Variants in MROH9 observed in about 807,000 individuals in gnomAD.
The protein encoded by MROH9 is maestro heat-like repeat-containing protein family member 9.
Under a neutral mutation model 98.2 loss-of-function variants are expected in MROH9, and 92 were observed. The observed-to-expected ratio is 0.94, with a 90% CI of 0.79 to 1.11. MROH9 has a LOEUF of 1.11. Among genes scored for constraint, MROH9 ranks in the 50% most tolerant of loss-of-function variants. The pLI is 0.00. For synonymous variants in MROH9, 397 were observed against 368.9 expected (o/e 1.08, Z -0.87); for missense variants, 1,057 against 1,014.8 (o/e 1.04, Z -0.57).
intron 9 of MROH9, among the ~76,000 whole-genome samples, chr1:170,985,574 T>C (rs1651100890): frequency 6.6e-6 from 1 of 152,232 alleles, no homozygotes; most frequent in South Asian, 2.1e-4. Context: ...AATTGCTTCT[T>C]CTACAACTTT....
intron 20 of MROH9, among the ~76,000 whole-genome samples, chr1:171,029,363 C>A (rs1312074881): frequency 1.3e-5 from 2 of 151,986 alleles, no homozygotes; most frequent in Non-Finnish European, 2.9e-5. Flanking sequence ...GCATGTGCCA[C>A]CATGCCCAGC....
chr1:170,997,204 TCA>T (rs1244494266), intron 14 of MROH9, among the ~76,000 whole-genome samples: 9 of 152,058 alleles, frequency 5.9e-5, no homozygotes, highest in Non-Finnish European at 1.0e-4. Flanking sequence ...TAAGACTACT[TCA>T]AGTTGTGACT....
chr1:170,998,307 T>C (rs1651660171), intron 15 of MROH9, 33 bp downstream of exon 15: 2 of 1,613,294 alleles, frequency 1.2e-6, no homozygotes, highest in East Asian at 2.2e-5. Flanking sequence ...AGCTGTGTTC[T>C]CATTTCCTTT....
intron 20 of MROH9, among the ~76,000 whole-genome samples, chr1:171,038,549 A>C (rs1360242594): frequency 6.6e-6 from 1 of 152,210 alleles, no homozygotes; most frequent in African/African-American, 2.4e-5. Context: ...ATGTGTGTAC[A>C]TAGATATTTA....
intron 20 of MROH9, among the ~76,000 whole-genome samples, chr1:171,027,300 T>A (rs895123534): frequency 2.0e-5 from 3 of 152,126 alleles, no homozygotes; most frequent in African/African-American, 7.2e-5. Flanking sequence ...TGAGAACATG[T>A]GGTATTTCAT....
intron 21 of MROH9, among the ~76,000 whole-genome samples, chr1:171,062,585 A>G (rs1654046405): frequency 6.6e-6 from 1 of 152,252 alleles, no homozygotes; most frequent in Non-Finnish European, 1.5e-5. Context: ...TTGCAAATAA[A>G]GCAGTCTCTT....
At chr1:171,041,148 T>C (rs1380391682) in intron 20 of MROH9, among the ~76,000 whole-genome samples, 1 of 151,776 alleles carries the variant, frequency 6.6e-6, no homozygotes, top group African/African-American at 2.4e-5. Context: ...CTCCCACGTT[T>C]TGGAGTCACC....
intron 15 of MROH9, among the ~76,000 whole-genome samples, chr1:171,009,546 C>T (rs946141483): frequency 6.6e-6 from 1 of 152,108 alleles, no homozygotes; most frequent in African/African-American, 2.4e-5. Flanking sequence ...GCAATAAAAA[C>T]ATGAAGCTGC....
intron 8 of MROH9, among the ~76,000 whole-genome samples, chr1:170,973,435 AG>A (rs1330385563): frequency 6.6e-6 from 1 of 152,192 alleles, no homozygotes; most frequent in African/African-American, 2.4e-5. Flanking sequence ...CTACTTAAAA[AG>A]GCCTTAAAAC....
At chr1:170,943,121 G>A (rs1649188050) in intron 1 of MROH9, among the ~76,000 whole-genome samples, 1 of 151,734 alleles carries the variant, frequency 6.6e-6, no homozygotes, top group Non-Finnish European at 1.5e-5. Flanking sequence ...CAAGAAAAAA[G>A]TAGAAAATTA....
In MROH9 at chr1:170,995,404, T is replaced by C; in HGVS notation, c.1210T>C (p.Cys404Arg). Reference sequence around the variant, plus strand: ...TCCCTTATAGGCATGCCAGGCCCTGTGCACCTTTCTGCCTCTTGGTTCCTA... The same window carrying C: ...TCCCTTATAGGCATGCCAGGCCCTGCGCACCTTTCTGCCTCTTGGTTCCTA... Reference protein sequence around the residue: ...LMPLAACQALCTFLPLGSYRK... With the variant: ...LMPLAACQALRTFLPLGSYRK... The change falls in exon 13 of 22, where the codon TGC (cysteine) becomes CGC (arginine). Residue 404 changes from cysteine (C) to arginine (R), a missense_variant. Cys to Arg is a radical substitution (Grantham distance 180). Coordinates refer to ENST00000367759, the MANE Select transcript of MROH9 (RefSeq NM_001163629.2). 1 of 1,613,378 alleles carries C rather than the reference T, an allele frequency of 6.2e-7. No homozygotes were observed. Among genetic ancestry groups the C allele is most frequent in the Non-Finnish European group, 8.5e-7 (1 of 1,179,510 alleles).
At chr1:170,973,458 G>C (rs558891639) in intron 8 of MROH9, among the ~76,000 whole-genome samples, 8 of 151,988 alleles carry the variant, frequency 5.3e-5, no homozygotes, top group African/African-American at 1.9e-4. Context: ...AGATCTAAAA[G>C]TATCACTATC....
intron 3 of MROH9, among the ~76,000 whole-genome samples, chr1:170,950,194 C>A (rs1649494928): frequency 6.6e-6 from 1 of 152,068 alleles, no homozygotes; most frequent in Admixed American, 6.6e-5. Flanking sequence ...ACTGTGTTTA[C>A]CCTAAAACCA....
At chr1:171,032,812 G>T (rs1184221018) in intron 20 of MROH9, among the ~76,000 whole-genome samples, 1 of 152,206 alleles carries the variant, frequency 6.6e-6, no homozygotes, top group East Asian at 1.9e-4. Flanking sequence ...CAGAGGGGGT[G>T]TGCCACACCA....
At chr1:170,993,385 T>C (rs1651433966) in intron 12 of MROH9, among the ~76,000 whole-genome samples, 1 of 152,166 alleles carries the variant, frequency 6.6e-6, no homozygotes, top group Non-Finnish European at 1.5e-5. Context: ...GAGCTTTTGA[T>C]AAATTAAAGC....
chr1:170,959,444 GCTCCTTTTT>G lies in MROH9; in HGVS notation c.153-15_153-7del. On this transcript the variant is annotated splice_polypyrimidine_tract_variant and intron_variant, in intron 4 of 21. Coordinates refer to ENST00000367759, the MANE Select transcript of MROH9 (RefSeq NM_001163629.2). ...ATTTGTTTTCTCATCATTAATAATT[GCTCCTTTTT>G]CTTGTCAGCTTTGTGGATCCCTTAC... 1.9e-6 allele frequency: 3 copies of G among 1,574,894 alleles called. No homozygotes were observed.
Position 170,975,986 on chromosome 1 carries a change from T to G in MROH9, c.616+4103T>G, listed in dbSNP as rs147641743. 2.0e-5 allele frequency among the ~76,000 whole-genome samples: 3 copies of G among 152,336 alleles called. No homozygotes were observed. The East Asian group carries it at 5.8e-4, about 29-fold the overall frequency. ...TAGGTTTGCAACCCCAGCCTTTTTCTGTTTTCCATTTGCTTGGTAGGTTTT... is the reference window on the plus strand; with the variant it reads ...TAGGTTTGCAACCCCAGCCTTTTTCGGTTTTCCATTTGCTTGGTAGGTTTT... On this transcript the variant is annotated intron_variant, in intron 8 of 21. Coordinates refer to ENST00000367759, the MANE Select transcript of MROH9 (RefSeq NM_001163629.2).
intron 11 of MROH9, among the ~76,000 whole-genome samples, chr1:170,991,915 G>C (rs1651370164): frequency 6.6e-6 from 1 of 152,122 alleles, no homozygotes. Flanking sequence ...AATTGCAGTA[G>C]AAATGAACTT....
intron 20 of MROH9, among the ~76,000 whole-genome samples, chr1:171,039,389 A>G (rs1360674501): frequency 6.6e-6 from 1 of 152,216 alleles, no homozygotes; most frequent in Non-Finnish European, 1.5e-5. Context: ...AACTAGGGCC[A>G]GCTCTTTTGC....
Sources: gnomAD v4.1 joint callset for allele counts (sites outside exome capture counted in the v4.1 genomes callset) on GRCh38, gnomAD v4.1.1 for gene constraint, MANE v1.5 for transcripts, NCBI Gene and HGNC (gene_info 2026-07-23, HGNC 2026-07-21) for gene names.